Variants in IQSEC3 observed in about 807,000 individuals in gnomAD.
The protein encoded by IQSEC3 is IQ motif and SEC7 domain-containing protein 3.
In IQSEC3, 50 loss-of-function variants were observed where a neutral mutation model predicts 105.4. The ratio of observed to expected loss-of-function variants is 0.47; its 90% CI spans 0.38 to 0.60. The LOEUF (loss-of-function observed/expected upper bound fraction) is 0.60. Ranked by LOEUF, IQSEC3 falls within the 20% of genes least tolerant of loss-of-function variation. IQSEC3 has a pLI of 0.00. For missense variants in IQSEC3, 1,415 were observed against 1,630.0 expected (o/e 0.87, Z 2.27); for synonymous variants, 708 against 746.0 (o/e 0.95, Z 0.83).
chr12:116,999 A>G (rs1293235191), intron 2 of IQSEC3, among the ~76,000 whole-genome samples: 3 of 152,224 alleles, frequency 2.0e-5, no homozygotes, highest in African/African-American at 7.2e-5. Flanking sequence ...TCTCTGTGTT[A>G]CCTATATTTG....
At chr12:173,860 A>G (rs962911763) in intron 13 of IQSEC3, among the ~76,000 whole-genome samples, 1 of 152,174 alleles carries the variant, frequency 6.6e-6, no homozygotes, top group African/African-American at 2.4e-5. Flanking sequence ...GAGGGGGCTC[A>G]TGAGCATCAT....
chr12:76,987 G>T (rs1349290264), intron 1 of IQSEC3, among the ~76,000 whole-genome samples: 1 of 152,258 alleles, frequency 6.6e-6, no homozygotes, highest in Non-Finnish European at 1.5e-5. Flanking sequence ...CTTGATGAAT[G>T]ATTCCTATCT....
At chr12:100,109 C>A (rs560733533) in intron 2 of IQSEC3, among the ~76,000 whole-genome samples, 14 of 152,260 alleles carry the variant, frequency 9.2e-5, no homozygotes, top group Admixed American at 4.6e-4. Flanking sequence ...TGAATTTGGG[C>A]AAGTTACTCC....
At chr12:100,126 C>T (rs1864376002) in intron 2 of IQSEC3, among the ~76,000 whole-genome samples, 1 of 152,178 alleles carries the variant, frequency 6.6e-6, no homozygotes, top group Non-Finnish European at 1.5e-5. Context: ...CTCCACTGCC[C>T]TGGGCCTCAG....
In IQSEC3 at chr12:162,076, A is replaced by G. The variant is rs782619539; in HGVS notation, c.2583+11A>G. 32 of 1,613,174 alleles carry G rather than the reference A, an allele frequency of 2.0e-5. No homozygotes were observed. The Middle Eastern group carries it at 4.9e-4, about 25-fold the overall frequency. Reference sequence around the variant, plus strand: ...GTGGGCATGAAGACAGTGAGTGTCCACAAGCTACCTATCTCCCGTCTCCTT... The same window carrying G: ...GTGGGCATGAAGACAGTGAGTGTCCGCAAGCTACCTATCTCCCGTCTCCTT... On this transcript the variant is annotated intron_variant, in intron 8 of 13. Coordinates refer to ENST00000538872, the MANE Select transcript of IQSEC3 (RefSeq NM_001170738.2).
chr12:68,810 C>T (rs1162768350), intron 1 of IQSEC3, among the ~76,000 whole-genome samples: 1 of 152,250 alleles, frequency 6.6e-6, no homozygotes, highest in East Asian at 1.9e-4. Context: ...TGGGTTAGGG[C>T]AGGGTAGCTC....
intron 2 of IQSEC3, among the ~76,000 whole-genome samples, chr12:117,711 C>A (rs1865093941): frequency 6.6e-6 from 1 of 152,202 alleles, no homozygotes; most frequent in Non-Finnish European, 1.5e-5. Flanking sequence ...GCTGTGAGAC[C>A]AAAGCCTGGA....
At chr12:154,931 C>A (rs1408179201) in intron 5 of IQSEC3, among the ~76,000 whole-genome samples, 1 of 148,136 alleles carries the variant, frequency 6.8e-6, no homozygotes, top group African/African-American at 2.6e-5. Flanking sequence ...CGCCCCATCT[C>A]TCTGGCCCAC....
chr12:164,037 C>T (rs1269189099), intron 9 of IQSEC3, among the ~76,000 whole-genome samples: 1 of 152,124 alleles, frequency 6.6e-6, no homozygotes, highest in Non-Finnish European at 1.5e-5. Context: ...TGTGTGTGTG[C>T]GTGCACACAC....
Position 174,851 on chromosome 12 carries a change from T to C in IQSEC3, c.3367T>C (p.Ser1123Pro). Residue 1123 changes from serine (S) to proline (P), a missense_variant, in exon 14 of 14, where the codon TCG (serine) becomes CCG (proline). By Grantham distance (74) the Ser-to-Pro change is moderately conservative. Around this residue, in one of 6 missense-constraint regions of IQSEC3, gnomAD observed 419 missense variants for 436.2 expected, o/e 0.96. Transcript: ENST00000538872. Reference sequence around the variant, plus strand: ...GAGCCAGGCTCTCTCCTGCTACACCTCGTCGTCCTCTGACTCCTGCGGCTC... The same window carrying C: ...GAGCCAGGCTCTCTCCTGCTACACCCCGTCGTCCTCTGACTCCTGCGGCTC... ...LLSQALSCYT[S>P]SSSDSCGSTP... 1 of 1,579,194 alleles carries C rather than the reference T, an allele frequency of 6.3e-7. No individual in the cohort carries two copies. The highest frequency in any genetic ancestry group is 8.5e-7 in the Non-Finnish European group (1 of 1,171,266).
rs551955486 is a variant in IQSEC3 at position 170,540 on chromosome 12, G to A, written c.3065-572G>A. On this transcript the variant is annotated intron_variant, in intron 12 of 13. Transcript: ENST00000538872. Reference sequence around the variant, plus strand: ...GCGGGGGTCGGGGTGGAAGCTGGGAGTGACTCAGCCACAAAGAGCCAATGA... The same window carrying A: ...GCGGGGGTCGGGGTGGAAGCTGGGAATGACTCAGCCACAAAGAGCCAATGA... 2.6e-5 allele frequency among the ~76,000 whole-genome samples: 4 copies of A among 152,344 alleles called. No individual in the cohort carries two copies. In the East Asian group the frequency reaches 7.7e-4, roughly 29 times the overall value.
Position 139,193 on chromosome 12 carries a change from C to G in IQSEC3, c.1830C>G (p.Gly610=). The G allele has an allele frequency of 6.3e-7, 1 of 1,588,710 alleles. No individual in the cohort carries two copies. The highest frequency in any genetic ancestry group is 8.5e-7 in the Non-Finnish European group (1 of 1,170,436). The change falls in exon 4 of 14, where the codon GGC becomes GGG. Residue 610 remains glycine (G), a synonymous_variant. Transcript: ENST00000538872. ...CGTCCACCAAGTCCGCCAAGTCAGG[C>G]TCGGAGGCGTCGGCCTCCGCCTCCA... The part of the protein sequence containing the change: ...SSTSTKSAKS[G]SEASASASKD...
intron 1 of IQSEC3, among the ~76,000 whole-genome samples, chr12:83,910 G>A (rs1194278772): frequency 6.6e-6 from 1 of 152,138 alleles, no homozygotes; most frequent in African/African-American, 2.4e-5. Flanking sequence ...CTGTGCATTT[G>A]TTATCTCATT....
chr12:174,640 C>T lies in IQSEC3; in HGVS notation c.3156C>T (p.Ser1052=), dbSNP rs762079243. Residue 1052 remains serine, a synonymous_variant, in exon 14 of 14, where the codon TCC becomes TCT. Transcript: ENST00000538872. ...HNRLQTSQHN[S]GLGAERGAPV... is the part of the protein sequence containing the mutation. ...GGCTTCAAACGTCCCAGCACAACTC[C>T]GGGCTGGGGGCCGAGAGGGGAGCGC... 57 of 1,577,738 alleles carry T rather than the reference C, an allele frequency of 3.6e-5. No homozygotes were observed. Among genetic ancestry groups the T allele is most frequent in the Non-Finnish European group, 4.3e-5 (50 of 1,169,548 alleles).
At chr12:151,886 C>T (rs1424635372) in intron 5 of IQSEC3, among the ~76,000 whole-genome samples, 1 of 152,182 alleles carries the variant, frequency 6.6e-6, no homozygotes, top group Non-Finnish European at 1.5e-5. Context: ...ACTCATCTTT[C>T]AGGCCTCAGC....
At chr12:86,215 G>A (rs1555072068) in intron 1 of IQSEC3, among the ~76,000 whole-genome samples, 1 of 152,218 alleles carries the variant, frequency 6.6e-6, no homozygotes, top group African/African-American at 2.4e-5. Flanking sequence ...GGCCAGCAGG[G>A]TTGGGGGTGA....
At chr12:86,703 G>A (rs997975974) in intron 1 of IQSEC3, among the ~76,000 whole-genome samples, 2 of 152,152 alleles carry the variant, frequency 1.3e-5, no homozygotes, top group Admixed American at 1.3e-4. Context: ...GTGTGTGCCT[G>A]CTCTGTGCTA....
chr12:132,542 A>C (rs1555085393), intron 3 of IQSEC3, among the ~76,000 whole-genome samples: 1 of 152,124 alleles, frequency 6.6e-6, no homozygotes, highest in African/African-American at 2.4e-5. Flanking sequence ...TGGGAAGAAA[A>C]AGAGCCCTAC....
chr12:80,230 C>T (rs1863698687), intron 1 of IQSEC3, among the ~76,000 whole-genome samples: 1 of 152,194 alleles, frequency 6.6e-6, no homozygotes, highest in South Asian at 2.1e-4. Context: ...AGCAGAAATA[C>T]GATTCGGCAA....
Sources: allele counts gnomAD v4.1 joint callset (sites outside exome capture counted in the v4.1 genomes callset), GRCh38; gene constraint gnomAD v4.1.1; regional missense constraint gnomAD v4.1.1; transcripts MANE v1.5; gene names NCBI Gene and HGNC (gene_info 2026-07-23, HGNC 2026-07-21).